Variants in NVL observed in about 807,000 individuals in gnomAD.
NVL encodes the protein nuclear VCP like, also known as nuclear valosin-containing protein-like.
NVL carries 84 observed loss-of-function variants against 110.2 expected under a neutral mutation model. That is an observed-to-expected ratio of 0.76 (90% CI 0.64 to 0.91). The LOEUF (loss-of-function observed/expected upper bound fraction) is 0.91. Ranked by LOEUF, NVL falls within the 40% of genes least tolerant of loss-of-function variation. The probability of loss-of-function intolerance (pLI) is 0.00; values close to 1 mark genes in which losing one functional copy is unlikely to be tolerated. For synonymous variants in NVL, 354 were observed against 361.1 expected (o/e 0.98, Z 0.22); for missense variants, 882 against 1,035.9 (o/e 0.85, Z 2.04).
chr1:224,278,437 G>T (rs1665990743), intron 16 of NVL, among the ~76,000 whole-genome samples: 1 of 151,772 alleles, frequency 6.6e-6, no homozygotes, highest in Admixed American at 6.6e-5. Context: ...CACCACATTG[G>T]CCACACTGGT....
chr1:224,299,040 A>G (rs1176742628), intron 10 of NVL, among the ~76,000 whole-genome samples: 3 of 152,218 alleles, frequency 2.0e-5, no homozygotes, highest in Non-Finnish European at 4.4e-5. Flanking sequence ...TCAGTTACTC[A>G]ATGGTTAGGA....
In NVL at chr1:224,326,579, A is replaced by G. The variant is rs1671165788; in HGVS notation, c.58-115T>C. The G allele has an allele frequency of 8.2e-6, 5 of 606,562 alleles. No homozygotes were observed. The South Asian group carries it at 9.7e-5, about 12-fold the overall frequency. The allele number at this position is 606,562 out of a possible 1,614,324, so 37.6% of individuals were successfully genotyped here. A position where few individuals can be genotyped will look rare whatever the true frequency, so the allele number is the denominator to read the frequency against. On this transcript the variant is annotated intron_variant, in intron 1 of 22. Transcript: ENST00000281701. ...ACTTTAAGATAAACTCTTCGTTAATAAAGTGTACCAGAAACATAAATAAAA... is the reference window on the plus strand; with the variant it reads ...ACTTTAAGATAAACTCTTCGTTAATGAAGTGTACCAGAAACATAAATAAAA...
At chr1:224,255,522 G>T (rs763890993) in intron 18 of NVL, among the ~76,000 whole-genome samples, 2 of 152,116 alleles carry the variant, frequency 1.3e-5, no homozygotes, top group Non-Finnish European at 2.9e-5. Flanking sequence ...TCCTTTATCA[G>T]ATATATGCTT....
chr1:224,228,908 G>A (rs1659518138), intron 22 of NVL, among the ~76,000 whole-genome samples: 1 of 124,592 alleles, frequency 8.0e-6, no homozygotes, highest in South Asian at 2.7e-4. Context: ...CATTGCGACA[G>A]AGCGAGACTC....
At chr1:224,276,354 A>AGCC (rs897331456) in intron 16 of NVL, among the ~76,000 whole-genome samples, 1 of 152,126 alleles carries the variant, frequency 6.6e-6, no homozygotes, top group African/African-American at 2.4e-5. Context: ...CTCCTGCCTC[A>AGCC]GCCTCCTGAG....
rs532380126 is a variant in NVL, at chr1:224,330,112, C to G, written c.16G>C (p.Ala6Pro). The G allele has an allele frequency of 6.2e-7, 1 of 1,614,058 alleles. No individual in the cohort carries two copies. Among genetic ancestry groups the G allele is most frequent in the African/African-American group, 1.3e-5 (1 of 75,040 alleles). ...TTGAGTTTATTATCCACGAACCCTG[C>G]AGGTCTGGGCTTCATCGCGTCGGTC... is the stretch of plus-strand genomic sequence containing the variant. Reference protein sequence around the residue: MKPRPAGFVDNKLKQR... With the variant: MKPRPPGFVDNKLKQR... The change falls in exon 1 of 23, where the codon GCA (alanine) becomes CCA (proline). Residue 6 changes from alanine to proline, a missense_variant. Ala to Pro is a conservative substitution (Grantham distance 27). Around this residue, in one of 4 missense-constraint regions of NVL, gnomAD observed 274 missense variants for 268.4 expected, o/e 1.02. Transcript: ENST00000281701.
Position 224,317,776 on chromosome 1 carries a change from T to G in NVL, c.202A>C (p.Ser68Arg). The change falls in exon 4 of 23, where the codon AGT becomes CGT. Residue 68 changes from serine (S) to arginine (R), a missense_variant. Transcript: ENST00000281701. Reference sequence around the variant, plus strand: ...GTTAAATTCTTAAGTTCCTTCTCACTACTAATTATGCTAAATACTGAAACA... The same window carrying G: ...GTTAAATTCTTAAGTTCCTTCTCACGACTAATTATGCTAAATACTGAAACA... ...QVEKVFSIIS[S>R]EKELKNLTEL... The G allele has an allele frequency of 6.2e-7, 1 of 1,601,074 alleles. No individual in the cohort carries two copies. Among genetic ancestry groups the G allele is most frequent in the Non-Finnish European group, 8.6e-7 (1 of 1,168,722 alleles).
intron 4 of NVL, among the ~76,000 whole-genome samples, chr1:224,314,067 T>C (rs1300492043): frequency 1.3e-5 from 2 of 152,208 alleles, no homozygotes; most frequent in East Asian, 3.8e-4. Context: ...TAAATTATAG[T>C]ATAACAAAGA....
At chr1:224,312,064 G>A (rs551945258) in intron 4 of NVL, 7 of 462,498 alleles carry the variant, frequency 1.5e-5, no homozygotes, top group African/African-American at 1.2e-4. Context: ...TCTATAAAAC[G>A]GAGATTTAAT....
intron 19 of NVL, among the ~76,000 whole-genome samples, chr1:224,241,408 T>G (rs555124248): frequency 1.9e-4 from 29 of 152,292 alleles, no homozygotes; most frequent in Middle Eastern, 6.8e-3. Flanking sequence ...TTTAGAAGCT[T>G]AAATTAATTT....
At chr1:224,286,939 C>T (rs1184601119) in intron 14 of NVL, among the ~76,000 whole-genome samples, 5 of 152,126 alleles carry the variant, frequency 3.3e-5, no homozygotes, top group Non-Finnish European at 7.3e-5. Context: ...TTGCCTTGAT[C>T]CATAAGATCA....
chr1:224,318,284 G>A (rs920937768), intron 2 of NVL, among the ~76,000 whole-genome samples: 2 of 152,214 alleles, frequency 1.3e-5, no homozygotes, highest in Admixed American at 6.5e-5. Flanking sequence ...GATTTCTTTT[G>A]GAGGGGTAGA....
intron 10 of NVL, chr1:224,298,143 G>A (rs1213630974): frequency 1.3e-5 from 2 of 158,868 alleles, no homozygotes; most frequent in East Asian, 3.7e-4. Flanking sequence ...GGCAGAGGTT[G>A]CAGTGAGCTG....
chr1:224,285,941 C>T, intron 15 of NVL, 85 bp downstream of exon 15: 1 of 991,312 alleles, frequency 1.0e-6, no homozygotes, highest in Non-Finnish European at 1.5e-6. Flanking sequence ...ATAAGACTTA[C>T]CTCACTGTAA....
chr1:224,327,764 A>C lies in NVL; in HGVS notation c.58-1300T>G, dbSNP rs1239562133. On this transcript the variant is annotated intron_variant, in intron 1 of 22. Transcript: ENST00000281701. ...ACGCTGAAAAGAGTCAAGTGTGAGG[A>C]CAGAGAAGAGGCCACTAGATCCAGT... Among the ~76,000 whole-genome samples, 3 of 151,216 alleles carry C rather than the reference A, an allele frequency of 2.0e-5. No homozygotes were observed. The East Asian group carries it at 5.8e-4, about 29-fold the overall frequency.
chr1:224,280,431 C>A (rs1666211849), intron 16 of NVL, among the ~76,000 whole-genome samples: 1 of 152,050 alleles, frequency 6.6e-6, no homozygotes, highest in African/African-American at 2.4e-5. Flanking sequence ...CCCACCAATG[C>A]CCTCTGCTTC....
At chr1:224,280,117 G>A (rs1268979551) in intron 16 of NVL, among the ~76,000 whole-genome samples, 10 of 150,464 alleles carry the variant, frequency 6.6e-5, no homozygotes, top group Non-Finnish European at 1.2e-4. Flanking sequence ...ATGGGAAAGA[G>A]AACAGGGAAC....
At chr1:224,234,454 A>G (rs1660246404) in intron 20 of NVL, among the ~76,000 whole-genome samples, 1 of 152,022 alleles carries the variant, frequency 6.6e-6, no homozygotes, top group Non-Finnish European at 1.5e-5. Flanking sequence ...CCCATACTAT[A>G]TAACTTTTTT....
chr1:224,274,200 A>G (rs1443071626), intron 17 of NVL, among the ~76,000 whole-genome samples: 1 of 151,802 alleles, frequency 6.6e-6, no homozygotes, highest in Non-Finnish European at 1.5e-5. Context: ...CTGAGGCAGG[A>G]GAATCGCTTG....
Sources: allele counts gnomAD v4.1 joint callset (sites outside exome capture counted in the v4.1 genomes callset), GRCh38; gene constraint gnomAD v4.1.1; regional missense constraint gnomAD v4.1.1; transcripts MANE v1.5; gene names NCBI Gene and HGNC (gene_info 2026-07-23, HGNC 2026-07-21).